CFAP44: variants seen among roughly 807,000 people sequenced by gnomAD.
The protein encoded by CFAP44 is cilia and flagella associated protein 44.
In CFAP44, 134 loss-of-function variants were observed where a neutral mutation model predicts 216.2. The ratio of observed to expected loss-of-function variants is 0.62; its 90% CI spans 0.54 to 0.72. CFAP44 has a LOEUF of 0.72. CFAP44 is among the 30% of genes least tolerant of loss of function. CFAP44 has a pLI of 0.00. For synonymous variants in CFAP44, 700 were observed against 727.6 expected (o/e 0.96, Z 0.61); for missense variants, 2,035 against 2,182.1 (o/e 0.93, Z 1.34).
chr3:113,346,237 A>G (rs1326619497), intron 22 of CFAP44, among the ~76,000 whole-genome samples: 2 of 152,116 alleles, frequency 1.3e-5, no homozygotes, highest in Non-Finnish European at 1.5e-5. Flanking sequence ...AAACACACCA[A>G]TCAGCACTCT....
intron 24 of CFAP44, among the ~76,000 whole-genome samples, chr3:113,337,122 G>C (rs1950288069): frequency 6.7e-6 from 1 of 149,698 alleles, no homozygotes; most frequent in Non-Finnish European, 1.5e-5. Context: ...CAGGATACTA[G>C]ATAAACAAAC....
chr3:113,296,682 C>T (rs1323276552), intron 33 of CFAP44, 43 bp downstream of exon 33: 1 of 1,525,850 alleles, frequency 6.6e-7, no homozygotes, highest in African/African-American at 1.4e-5. Context: ...TTTCTTGCCT[C>T]CAGCCAGATT....
At chr3:113,361,222 G>A (rs899505955) in intron 21 of CFAP44, 1 of 209,442 alleles carries the variant, frequency 4.8e-6, no homozygotes. Context: ...GATTGAGAGA[G>A]ATAAACCGCG....
At chr3:113,390,337 G>A (rs547217059) in intron 15 of CFAP44, among the ~76,000 whole-genome samples, 98 of 152,112 alleles carry the variant, frequency 6.4e-4, no homozygotes, top group Non-Finnish European at 7.4e-4. Context: ...GGTAGAGAAG[G>A]AATATACCTC....
At chr3:113,401,487 T>A (rs1426756492) in intron 10 of CFAP44, 97 bp downstream of exon 10, 4 of 1,430,342 alleles carry the variant, frequency 2.8e-6, no homozygotes, top group Non-Finnish European at 2.9e-6. Flanking sequence ...TCATAACACT[T>A]ACAGTCAAAT....
In CFAP44 at chr3:113,296,746, C is replaced by A; in HGVS notation, c.5217G>T (p.Ala1739=). ...TTACCTCCCACATCTTCATCTCTTT[C>A]GCATTTGCTAGCTCCTTTCGAAGTT... ...IRKLRKELAN[A]KEMKMWEEKI... Residue 1739 remains alanine, a synonymous_variant, in exon 33 of 35, where the codon GCG becomes GCT. Coordinates refer to ENST00000393845, the MANE Select transcript of CFAP44 (RefSeq NM_001164496.2). 1 of 1,537,722 alleles carries A rather than the reference C, an allele frequency of 6.5e-7. No homozygotes were observed. The highest frequency in any genetic ancestry group is 1.2e-5 in the South Asian group (1 of 84,038).
intron 1 of CFAP44, among the ~76,000 whole-genome samples, chr3:113,438,133 T>C (rs911405308): frequency 6.6e-6 from 1 of 152,166 alleles, no homozygotes; most frequent in Non-Finnish European, 1.5e-5. Context: ...GAATCATGAG[T>C]TTATATAAAA....
chr3:113,406,138 AAAGG>A (rs1182604029), intron 8 of CFAP44, among the ~76,000 whole-genome samples: 54 of 151,980 alleles, frequency 3.6e-4, no homozygotes, highest in Non-Finnish European at 7.2e-4. Flanking sequence ...TAAGAGAAAG[AAAGG>A]AAAGAAACTA....
intron 25 of CFAP44, among the ~76,000 whole-genome samples, chr3:113,333,071 T>C (rs775553339): frequency 1.3e-5 from 2 of 151,902 alleles, no homozygotes; most frequent in Non-Finnish European, 2.9e-5. Context: ...CATCAGAGAG[T>C]CAAACTCCGA....
intron 4 of CFAP44, among the ~76,000 whole-genome samples, chr3:113,422,260 C>G (rs1934837456): frequency 6.6e-6 from 1 of 151,900 alleles, no homozygotes. Context: ...TTTCTTGAGC[C>G]CTTGTTTAAA....
intron 26 of CFAP44, 73 bp downstream of exon 26, chr3:113,330,091 TAAAC>T (rs1485183419): frequency 7.0e-6 from 10 of 1,432,650 alleles, no homozygotes; most frequent in Admixed American, 2.8e-5. Flanking sequence ...TTTAAATAAA[TAAAC>T]AAAAAACCCG....
Position 113,294,748 on chromosome 3 carries a change from T to C in CFAP44, c.5312A>G (p.Asn1771Ser). 6.5e-7 allele frequency: 1 copy of C among 1,536,670 alleles called. No individual in the cohort carries two copies. Among genetic ancestry groups the C allele is most frequent in the Non-Finnish European group, 8.7e-7 (1 of 1,146,640 alleles). Residue 1771 changes from asparagine to serine, a missense_variant, in exon 34 of 35, where the codon AAT becomes AGT. By Grantham distance (46) the Asn-to-Ser change is conservative (BLOSUM62 1). This residue lies in a region of CFAP44 where 1,883 missense variants were observed against 2,023.7 expected (regional missense o/e 0.93). Transcript: ENST00000393845. Reference sequence around the variant, plus strand: ...TTTCTTCTTTTCAATACACAAATCATTCATCTGATAAAGCTTTCTGGTGTG... The same window carrying C: ...TTTCTTCTTTTCAATACACAAATCACTCATCTGATAAAGCTTTCTGGTGTG... ...KEHTRKLYQM[N>S]DLCIEKKKLD...
intron 33 of CFAP44, 136 bp downstream of exon 33, chr3:113,296,589 G>C (rs808949): frequency 0.73 from 687,790 of 948,098 alleles, 252,044 homozygotes; most frequent in Admixed American, 0.81. Flanking sequence ...CAAGGCCTAA[G>C]ATCCTGGGGC....
intron 22 of CFAP44, among the ~76,000 whole-genome samples, chr3:113,351,960 G>A (rs1482396467): frequency 6.6e-6 from 1 of 152,128 alleles, no homozygotes; most frequent in African/African-American, 2.4e-5. Flanking sequence ...CCCTCTGGAG[G>A]ACACTACAAC....
At chr3:113,326,691 T>G in intron 27 of CFAP44, 51 bp from the exon 28 acceptor site, 1 of 1,179,396 alleles carries the variant, frequency 8.5e-7, no homozygotes, top group African/African-American at 1.6e-5. Flanking sequence ...ATAAACCAAG[T>G]TCAGAGAGCA....
Position 113,395,839 on chromosome 3 carries a change from A to G in CFAP44, c.1801T>C (p.Phe601Leu). The part of the protein sequence containing the change: ...ATGSKDQTVF[F>L]FEVERDYKPI... ...TTATAATCCCTTTCCACTTCAAAGA[A>G]GAAAACAGTTTGATCTTTACTCTAA... is the stretch of plus-strand genomic sequence containing the variant. Residue 601 changes from phenylalanine to leucine, a missense_variant, in exon 15 of 35, where the codon TTC becomes CTC. Around this residue, in one of 3 missense-constraint regions of CFAP44, gnomAD observed 1,883 missense variants for 2,023.7 expected, o/e 0.93. Transcript: ENST00000393845. 1 of 1,613,838 alleles carries G rather than the reference A, an allele frequency of 6.2e-7. No individual in the cohort carries two copies. Among genetic ancestry groups the G allele is most frequent in the Non-Finnish European group, 8.5e-7 (1 of 1,179,856 alleles).
intron 27 of CFAP44, among the ~76,000 whole-genome samples, chr3:113,326,869 C>T (rs1292141367): frequency 6.6e-6 from 1 of 152,076 alleles, no homozygotes; most frequent in Non-Finnish European, 1.5e-5. Flanking sequence ...CTTTTTAGTG[C>T]TAAGCATCCC....
chr3:113,432,900 T>A (rs555121029), intron 2 of CFAP44, among the ~76,000 whole-genome samples: 3 of 152,354 alleles, frequency 2.0e-5, no homozygotes, highest in African/African-American at 4.8e-5. Flanking sequence ...CATGCATCTA[T>A]CAGATAATCT....
intron 22 of CFAP44, among the ~76,000 whole-genome samples, chr3:113,356,413 G>C (rs966571911): frequency 6.6e-6 from 1 of 151,984 alleles, no homozygotes; most frequent in Non-Finnish European, 1.5e-5. Flanking sequence ...ACCAATCTTG[G>C]AGATGAAGAA....
Sources: allele counts gnomAD v4.1 joint callset (sites outside exome capture counted in the v4.1 genomes callset), GRCh38; gene constraint gnomAD v4.1.1; regional missense constraint gnomAD v4.1.1; transcripts MANE v1.5; gene names NCBI Gene and HGNC (gene_info 2026-07-23, HGNC 2026-07-21).